Variants in GTPBP6 observed in about 807,000 individuals in gnomAD.
The protein encoded by GTPBP6 is putative GTP-binding protein 6.
In GTPBP6, 33 loss-of-function variants were observed where a neutral mutation model predicts 28.9. That is an observed-to-expected ratio of 1.14 (90% CI 0.87 to 1.53). GTPBP6 has a LOEUF of 1.53. GTPBP6 is among the 40% of genes most tolerant of loss of function. GTPBP6 has a pLI of 0.00. For synonymous variants in GTPBP6, 231 were observed against 192.7 expected (o/e 1.20, Z -1.65); for missense variants, 507 against 408.3 (o/e 1.24, Z -2.08).
In GTPBP6 at chrX:310,928, C is replaced by T. The variant is rs187395089; in HGVS notation, c.1125+491G>A. Reference sequence around the variant, plus strand: ...CGCCACTGCCCGCACGTCTGTGACACGAACGGTCACTCTGTCTGTCAGGGG... The same window carrying T: ...CGCCACTGCCCGCACGTCTGTGACATGAACGGTCACTCTGTCTGTCAGGGG... On this transcript the variant is annotated intron_variant, in intron 7 of 9. Transcript: ENST00000326153. Among the ~76,000 whole-genome samples the T allele has an allele frequency of 2.3e-3, 300 of 130,348 alleles. 2 individuals are homozygous for T. The highest frequency in any genetic ancestry group is 8.0e-3 in the African/African-American group (290 of 36,472). 85.5% of individuals were successfully genotyped at this position (130,348 alleles called of 152,430 possible). A position where few individuals can be genotyped will look rare whatever the true frequency, so the allele number is the denominator to read the frequency against.
At chrX:318,350 GAATCTC>G (rs2070478863) in intron 1 of GTPBP6, 83 bp downstream of exon 1, 1 of 380,558 alleles carries the variant, frequency 2.6e-6, no homozygotes, top group African/African-American at 2.3e-5. Context: ...CCCCGCCCCT[GAATCTC>G]CACCTATGAG....
chrX:308,515 C>T (rs1004146563), intron 7 of GTPBP6, among the ~76,000 whole-genome samples: 4 of 151,902 alleles, frequency 2.6e-5, no homozygotes, highest in African/African-American at 9.7e-5. Context: ...GCCGTTTCTA[C>T]AGAAAGTACA....
rs1160638122 is a variant in GTPBP6 at position 311,750 on chromosome X, G to GT, written c.917-124dup. ...GGGGGGCCGCACCCCGGGCTACACG[G>GT]TCCCTGAGCTCCTCGGGCACCCCGG... On this transcript the variant is annotated intron_variant, in intron 6 of 9. Transcript: ENST00000326153. The GT allele has an allele frequency of 3.8e-6, 3 of 785,288 alleles. No individual in the cohort carries two copies. In the Admixed American group the frequency reaches 6.4e-5, roughly 17 times the overall value. The allele number at this position is 785,288 out of a possible 1,614,324, so 48.6% of individuals were successfully genotyped here. A position where few individuals can be genotyped will look rare whatever the true frequency, so the allele number is the denominator to read the frequency against.
At chrX:310,883 A>C (rs2070272628) in intron 7 of GTPBP6, among the ~76,000 whole-genome samples, 1 of 151,692 alleles carries the variant, frequency 6.6e-6, no homozygotes. Flanking sequence ...ATCGATCCTC[A>C]GGCATCACCG....
chrX:305,619 C>CTTTTTAT lies in GTPBP6; in HGVS notation c.1428-429_1428-423dup, dbSNP rs1029266973. ...GACAGGCATGAGCCACTGCGCCCGG[C>CTTTTTAT]TTTTTATTTTTTATTTTTTTTTTTG... On this transcript the variant is annotated intron_variant, in intron 9 of 9. Coordinates refer to ENST00000326153, the Ensembl canonical transcript of GTPBP6. Among the ~76,000 whole-genome samples, 6 of 130,316 alleles carry CTTTTTAT rather than the reference C, an allele frequency of 4.6e-5. No individual in the cohort carries two copies. The South Asian group carries it at 1.6e-3, about 36-fold the overall frequency. 85.5% of individuals were successfully genotyped at this position (130,316 alleles called of 152,430 possible).
exon 2 of GTPBP6, chrX:316,960 C>A: frequency 2.5e-6 from 1 of 398,662 alleles, no homozygotes; most frequent in Non-Finnish European, 4.4e-6. Flanking sequence ...GCTTCCTGTC[C>A]GGCGTTTTGG....
rs775348153 is a variant in GTPBP6 at position 306,663 on chromosome X, G to A, written c.1427+697C>T. On this transcript the variant is annotated intron_variant, in intron 9 of 9. Coordinates refer to ENST00000326153, the Ensembl canonical transcript of GTPBP6. ...AGCACAGATTAGGCACCTGTTGTAT[G>A]CAGTCAGAAATGTACATTTTGACTG... is the stretch of plus-strand genomic sequence containing the variant. Among the ~76,000 whole-genome samples, 14 of 144,876 alleles carry A rather than the reference G, an allele frequency of 9.7e-5. No homozygotes were observed. In the South Asian group the frequency reaches 2.9e-3, roughly 30 times the overall value.
At chrX:315,455 C>T (rs1158113016) in intron 2 of GTPBP6, among the ~76,000 whole-genome samples, 156 bp from the exon 3 acceptor site, 2 of 151,958 alleles carry the variant, frequency 1.3e-5, no homozygotes, top group African/African-American at 4.8e-5. Context: ...AGGAAGTCAG[C>T]GTGGGAGGGG....
At chrX:305,324 G>GTTTTTT in intron 9 of GTPBP6, 127 bp from the exon 10 acceptor site, 3 of 601,492 alleles carry the variant, frequency 5.0e-6, no homozygotes, top group African/African-American at 4.2e-5. Flanking sequence ...GTTTCCTTTT[G>GTTTTTT]TTTTTTTTTT....
Position 305,632 on chromosome X carries a change from A to AT in GTPBP6, c.1428-436dup, listed in dbSNP as rs61699986. On this transcript the variant is annotated intron_variant, in intron 9 of 9. Coordinates refer to ENST00000326153, the Ensembl canonical transcript of GTPBP6. ...CACTGCGCCCGGCTTTTTATTTTTT[A>AT]TTTTTTTTTTTGAGACAGAGTCTCG... Among the ~76,000 whole-genome samples, 138 of 122,460 alleles carry AT rather than the reference A, an allele frequency of 1.1e-3. 1 individual carries two copies. Among genetic ancestry groups the AT allele is most frequent in the Middle Eastern group, 4.9e-3 (1 of 204 alleles). The allele number at this position is 122,460 out of a possible 152,430, so 80.3% of individuals were successfully genotyped here.
chrX:314,279 G>A (rs1345704962), intron 4 of GTPBP6, 62 bp from the exon 5 acceptor site: 27 of 1,386,864 alleles, frequency 1.9e-5, no homozygotes, highest in South Asian at 8.2e-5. Flanking sequence ...GGCAGAGGTC[G>A]AGGTGAAGGT....
At chrX:313,612 G>A (rs1340908197) in intron 5 of GTPBP6, among the ~76,000 whole-genome samples, 17 of 152,128 alleles carry the variant, frequency 1.1e-4, no homozygotes, top group African/African-American at 2.9e-4. Context: ...CTAGAGATGC[G>A]ACGATTCTGG....
chrX:315,605 G>T, intron 2 of GTPBP6, among the ~76,000 whole-genome samples: 1 of 113,790 alleles, frequency 8.8e-6, no homozygotes, highest in Non-Finnish European at 1.8e-5. Context: ...ATCCCGACAG[G>T]GACAGACACA....
At chrX:309,128 T>G (rs890237026) in intron 7 of GTPBP6, among the ~76,000 whole-genome samples, 2 of 152,138 alleles carry the variant, frequency 1.3e-5, no homozygotes, top group African/African-American at 4.8e-5. Flanking sequence ...CTTTGGGACA[T>G]TTGCTGCTTC....
At chrX:314,634 G>A (rs1482813512) in intron 4 of GTPBP6, among the ~76,000 whole-genome samples, 22 of 152,196 alleles carry the variant, frequency 1.4e-4, no homozygotes, top group South Asian at 8.3e-4. Context: ...CACCACGCCC[G>A]GCTAATTTTT....
Position 305,206 on chromosome X carries a change from A to G in GTPBP6, c.1428-9T>C. Reference sequence around the variant, plus strand: ...CCTCCTTATACAGCCAGCTGGGCACAGATGCGCGTTGTATGGAGACAAGCA... The same window carrying G: ...CCTCCTTATACAGCCAGCTGGGCACGGATGCGCGTTGTATGGAGACAAGCA... On this transcript the variant is annotated splice_polypyrimidine_tract_variant and intron_variant, in intron 9 of 9. Coordinates refer to ENST00000326153, the Ensembl canonical transcript of GTPBP6. 6.2e-7 allele frequency: 1 copy of G among 1,608,336 alleles called. No homozygotes were observed.
At chrX:310,413 A>G (rs1261089973) in intron 7 of GTPBP6, among the ~76,000 whole-genome samples, 3 of 121,086 alleles carry the variant, frequency 2.5e-5, no homozygotes, top group Admixed American at 1.5e-4. Flanking sequence ...GAGCCTCCAG[A>G]AGGAACTGGA....
chrX:307,763 C>T (rs1432482310), exon 8 of GTPBP6: 4 of 1,519,742 alleles, frequency 2.6e-6, no homozygotes, highest in Non-Finnish European at 3.5e-6. Flanking sequence ...TTGTGAACCT[C>T]CACCATGGAG....
intron 9 of GTPBP6, among the ~76,000 whole-genome samples, chrX:306,581 G>A (rs776601234): frequency 7.3e-5 from 11 of 150,422 alleles, no homozygotes; most frequent in African/African-American, 2.7e-4. Context: ...TATTTTTACT[G>A]TCAAGCACAG....
Sources: allele counts gnomAD v4.1 joint callset (sites outside exome capture counted in the v4.1 genomes callset), GRCh38; gene constraint gnomAD v4.1.1; transcripts MANE v1.5; gene names NCBI Gene and HGNC (gene_info 2026-07-23, HGNC 2026-07-21).